TRPM3: variants seen among roughly 807,000 people sequenced by gnomAD.
TRPM3 encodes long transient receptor potential channel 3.
Under a neutral mutation model 181.2 loss-of-function variants are expected in TRPM3, and 77 were observed. That is an observed-to-expected ratio of 0.42 (90% CI 0.35 to 0.51). The LOEUF (loss-of-function observed/expected upper bound fraction) is 0.51, where lower values mean the gene tolerates loss of function less well. TRPM3 is among the 20% of genes least tolerant of loss of function. The pLI is 0.01. For synonymous variants in TRPM3, 745 were observed against 796.4 expected, an observed-to-expected ratio of 0.94 and a Z score of 1.09; for missense variants, 1,759 against 2,196.7, an observed-to-expected ratio of 0.80 and a Z score of 3.98.
chr9:71,408,202 A>G (rs2093473579), intron 1 of TRPM3, among the ~76,000 whole-genome samples: 1 of 152,240 alleles, frequency 6.6e-6, no homozygotes, highest in African/African-American at 2.4e-5. Flanking sequence ...TCTCCTCCAA[A>G]GGATCGCAGC....
intron 8 of TRPM3, among the ~76,000 whole-genome samples, chr9:70,696,361 A>G (rs1057443703): frequency 9.2e-5 from 14 of 152,222 alleles, no homozygotes; most frequent in African/African-American, 3.4e-4. Flanking sequence ...CCGGAGACCG[A>G]TCAGGTTTCC....
chr9:71,129,710 C>T (rs2074257811), intron 1 of TRPM3, among the ~76,000 whole-genome samples: 1 of 152,148 alleles, frequency 6.6e-6, no homozygotes, highest in African/African-American at 2.4e-5. Flanking sequence ...GTTCCTGCGG[C>T]TTCCCAAAAA....
At chr9:70,670,952 G>T (rs2062801096) in intron 9 of TRPM3, among the ~76,000 whole-genome samples, 1 of 152,106 alleles carries the variant, frequency 6.6e-6, no homozygotes. Context: ...AGGATTTAAG[G>T]ACATCTAATC....
chr9:71,309,088 T>C (rs573960400), intron 1 of TRPM3, among the ~76,000 whole-genome samples: 1 of 152,276 alleles, frequency 6.6e-6, no homozygotes, highest in African/African-American at 2.4e-5. Context: ...TAGTGGGAGA[T>C]ACAAACACAT....
At chr9:71,235,354 T>C (rs571906521) in intron 1 of TRPM3, among the ~76,000 whole-genome samples, 1 of 152,344 alleles carries the variant, frequency 6.6e-6, no homozygotes, top group Non-Finnish European at 1.5e-5. Context: ...TTTGAAACTG[T>C]ATTATGCATT....
intron 1 of TRPM3, among the ~76,000 whole-genome samples, chr9:71,043,546 T>G (rs556592150): frequency 3.7e-4 from 57 of 152,316 alleles, no homozygotes; most frequent in African/African-American, 1.4e-3. Flanking sequence ...AGGCAAGTAT[T>G]TTGGACTTTC....
At chr9:70,664,654 T>G (rs1171082806) in intron 9 of TRPM3, among the ~76,000 whole-genome samples, 1 of 88,924 alleles carries the variant, frequency 1.1e-5, no homozygotes, top group Non-Finnish European at 2.4e-5. Context: ...TTTTTTTTTT[T>G]TTTTTTTTTT....
chr9:71,031,454 A>G (rs2057291825), intron 1 of TRPM3, among the ~76,000 whole-genome samples: 2 of 152,192 alleles, frequency 1.3e-5, no homozygotes, highest in African/African-American at 4.8e-5. Flanking sequence ...TCAGGTTGCT[A>G]TCGAGAATGG....
At chr9:70,844,268 G>A (rs1459897524) in intron 4 of TRPM3, among the ~76,000 whole-genome samples, 4 of 152,150 alleles carry the variant, frequency 2.6e-5, no homozygotes, top group African/African-American at 9.7e-5. Flanking sequence ...ACTCAATACT[G>A]AAATATTCAT....
chr9:70,923,583 G>A (rs978510404), intron 1 of TRPM3, among the ~76,000 whole-genome samples: 1 of 151,976 alleles, frequency 6.6e-6, no homozygotes, highest in African/African-American at 2.4e-5. Flanking sequence ...GGAGAAAACT[G>A]CCTAGATTCC....
intron 1 of TRPM3, among the ~76,000 whole-genome samples, chr9:71,097,361 A>G (rs1043205579): frequency 6.6e-6 from 1 of 152,224 alleles, no homozygotes; most frequent in South Asian, 2.1e-4. Context: ...ACACATGTAC[A>G]TACACATATA....
At chr9:71,392,164 C>T in intron 1 of TRPM3, among the ~76,000 whole-genome samples, 1 of 151,924 alleles carries the variant, frequency 6.6e-6, no homozygotes, top group Non-Finnish European at 1.5e-5. Context: ...TGTGCTTGCC[C>T]CACATTTAGG....
At chr9:71,310,921 A>G (rs537288006) in intron 1 of TRPM3, among the ~76,000 whole-genome samples, 1 of 152,206 alleles carries the variant, frequency 6.6e-6, no homozygotes, top group South Asian at 2.1e-4. Flanking sequence ...AAGAGATGAA[A>G]AAAATAGAAG....
At chr9:71,184,319 T>C (rs949641930) in intron 1 of TRPM3, among the ~76,000 whole-genome samples, 2 of 152,138 alleles carry the variant, frequency 1.3e-5, no homozygotes, top group African/African-American at 4.8e-5. Context: ...TCAACGCTCA[T>C]CCTTAGCAAG....
intron 1 of TRPM3, among the ~76,000 whole-genome samples, chr9:70,969,765 TATATATATATATATAC>T (rs1181955302): frequency 3.1e-5 from 2 of 65,572 alleles, no homozygotes; most frequent in African/African-American, 5.1e-5. Context: ...TTTATATATA[TATATATATATATATAC>T]ACACACACAC....
At chr9:71,332,624 G>A (rs2090288095) in intron 1 of TRPM3, among the ~76,000 whole-genome samples, 1 of 151,594 alleles carries the variant, frequency 6.6e-6, no homozygotes, top group Non-Finnish European at 1.5e-5. Context: ...TGTGACATCA[G>A]TTTCCTTACC....
intron 1 of TRPM3, among the ~76,000 whole-genome samples, chr9:71,351,405 T>C (rs1217317262): frequency 6.6e-6 from 1 of 152,210 alleles, no homozygotes; most frequent in Non-Finnish European, 1.5e-5. Flanking sequence ...AATGATTCTA[T>C]AACCTAGATG....
intron 1 of TRPM3, among the ~76,000 whole-genome samples, chr9:71,333,400 A>G (rs1435860743): frequency 1.3e-5 from 2 of 151,974 alleles, no homozygotes; most frequent in Non-Finnish European, 2.9e-5. Flanking sequence ...CCAATGGGAG[A>G]GTAGGAACCA....
chr9:71,409,916 C>A (rs969693772), intron 1 of TRPM3, among the ~76,000 whole-genome samples: 1 of 152,150 alleles, frequency 6.6e-6, no homozygotes, highest in African/African-American at 2.4e-5. Flanking sequence ...GTGCCTCAGA[C>A]CACAGTGCAA....
Sources: gnomAD v4.1 joint callset for allele counts (sites outside exome capture counted in the v4.1 genomes callset) on GRCh38, gnomAD v4.1.1 for gene constraint, MANE v1.5 for transcripts, NCBI Gene and HGNC (gene_info 2026-07-23, HGNC 2026-07-21) for gene names.